The following SPON1 variants were observed in gnomAD, a reference collection of about 807,000 sequenced individuals.
SPON1 encodes the protein spondin 1, also known as spondin-1.
SPON1 carries 52 observed loss-of-function variants against 111.7 expected under a neutral mutation model. That is an observed-to-expected ratio of 0.47 (90% CI 0.37 to 0.59). The LOEUF is 0.59. Among genes scored for constraint, SPON1 ranks in the 20% least tolerant of loss-of-function variants. SPON1 has a pLI of 0.00. For synonymous variants in SPON1, 410 were observed against 395.8 expected (o/e 1.04, Z -0.43); for missense variants, 957 against 1,068.5 (o/e 0.90, Z 1.46).
rs148163262 is a variant in SPON1 at position 14,051,467 on chromosome 11, T to C, written c.479+9813T>C. Among the ~76,000 whole-genome samples, 47 of 151,816 alleles carry C rather than the reference T, an allele frequency of 3.1e-4. 2 individuals are homozygous for C. The East Asian group carries it at 8.9e-3, about 29-fold the overall frequency. On this transcript the variant is annotated intron_variant, in intron 3 of 15. Transcript: ENST00000576479. The stretch of plus-strand genomic sequence containing the variant: ...GGGAGGATTGCTGGAGCCCAGGAGA[T>C]TGAGGCTTCAATGAGCTGAGATGGC...
chr11:14,055,520 TAGAA>T (rs1554919088), intron 3 of SPON1, among the ~76,000 whole-genome samples: 3 of 152,218 alleles, frequency 2.0e-5, no homozygotes, highest in Non-Finnish European at 4.4e-5. Context: ...TCCTTAACGA[TAGAA>T]AGACCAGGCT....
chr11:14,084,474 G>T (rs1254548676), intron 5 of SPON1, among the ~76,000 whole-genome samples: 2 of 152,162 alleles, frequency 1.3e-5, no homozygotes, highest in East Asian at 1.9e-4. Context: ...CAAAGGACAT[G>T]AACTCATTCT....
At chr11:13,986,721 A>AC (rs1436116961) in intron 2 of SPON1, among the ~76,000 whole-genome samples, 9 of 150,342 alleles carry the variant, frequency 6.0e-5, no homozygotes, top group Non-Finnish European at 1.3e-4. Flanking sequence ...CTAGCCCCCG[A>AC]CCCCCCGACA....
intron 3 of SPON1, among the ~76,000 whole-genome samples, chr11:14,074,239 C>A (rs1008696855): frequency 6.6e-6 from 1 of 152,190 alleles, no homozygotes; most frequent in Non-Finnish European, 1.5e-5. Flanking sequence ...TAAAAGACAT[C>A]TGTAGGATGG....
chr11:14,115,687 T>C (rs1398384385), intron 5 of SPON1, among the ~76,000 whole-genome samples: 1 of 152,190 alleles, frequency 6.6e-6, no homozygotes, highest in Admixed American at 6.5e-5. Flanking sequence ...AACATTTGGG[T>C]AGTTTCCAGT....
intron 5 of SPON1, among the ~76,000 whole-genome samples, chr11:14,091,472 C>T (rs1038860116): frequency 1.8e-4 from 27 of 152,306 alleles, no homozygotes; most frequent in African/African-American, 3.6e-4. Context: ...AGCCCTGCCC[C>T]GCGGGAAGGC....
chr11:14,135,175 A>G lies in SPON1; in HGVS notation c.677-245A>G, dbSNP rs1249391915. On this transcript the variant is annotated intron_variant, in intron 5 of 15. Transcript: ENST00000576479. The surrounding 1 kb of genome is among the most constrained non-coding windows in gnomAD (Gnocchi z 4.4). ...CTTCTCTGAGACCTTCCTAGACAGA[A>G]CGCATCTCTGGGCTGCCTCTGCGTC... 2 of 403,470 alleles carry G rather than the reference A, an allele frequency of 5.0e-6. No homozygotes were observed. Among genetic ancestry groups the G allele is most frequent in the Admixed American group, 3.7e-5 (1 of 27,088 alleles). The allele number at this position is 403,470 out of a possible 1,614,324, so 25.0% of individuals were successfully genotyped here.
chr11:14,042,276 G>A (rs781846277), intron 3 of SPON1, among the ~76,000 whole-genome samples: 39 of 152,078 alleles, frequency 2.6e-4, no homozygotes, highest in Non-Finnish European at 4.4e-5. Flanking sequence ...TTGGGAAATG[G>A]AAATAGATGG....
intron 7 of SPON1, among the ~76,000 whole-genome samples, chr11:14,248,930 G>A (rs1415289128): frequency 6.6e-6 from 1 of 152,152 alleles, no homozygotes. Flanking sequence ...GTAGAGACAG[G>A]AAAGGCAGAC....
intron 6 of SPON1, among the ~76,000 whole-genome samples, chr11:14,146,150 C>CTTTTTT (rs10674430): frequency 7.6e-6 from 1 of 130,950 alleles, no homozygotes; most frequent in Non-Finnish European, 1.6e-5. Flanking sequence ...AATTACTATA[C>CTTTTTT]TTTTTTTTTT....
At chr11:14,194,380 G>A (rs1430279813) in intron 6 of SPON1, among the ~76,000 whole-genome samples, 1 of 152,134 alleles carries the variant, frequency 6.6e-6, no homozygotes, top group African/African-American at 2.4e-5. Context: ...AACTTCATTA[G>A]CAACTCCAAC....
intron 3 of SPON1, among the ~76,000 whole-genome samples, chr11:14,058,783 A>G (rs1440471840): frequency 6.6e-6 from 1 of 152,204 alleles, no homozygotes; most frequent in African/African-American, 2.4e-5. Flanking sequence ...CCACAATCCT[A>G]TAATGCAGAT....
At chr11:14,055,263 C>T (rs968260010) in intron 3 of SPON1, among the ~76,000 whole-genome samples, 135 of 152,106 alleles carry the variant, frequency 8.9e-4, no homozygotes, top group African/African-American at 3.2e-3. Flanking sequence ...GTCAACATCT[C>T]GATATGTGCT....
At chr11:14,088,551 G>A (rs1849024929) in intron 5 of SPON1, among the ~76,000 whole-genome samples, 1 of 151,862 alleles carries the variant, frequency 6.6e-6, no homozygotes, top group South Asian at 2.1e-4. Flanking sequence ...TTTCTCTCTG[G>A]CTGCCCTTAA....
At chr11:14,222,410 TCCAGTGA>T (rs1554937678) in intron 6 of SPON1, among the ~76,000 whole-genome samples, 2 of 152,228 alleles carry the variant, frequency 1.3e-5, no homozygotes, top group African/African-American at 4.8e-5. Flanking sequence ...CATATACTGT[TCCAGTGA>T]CCAGTGACCT....
At chr11:14,233,762 T>TC (rs1354369012) in intron 6 of SPON1, among the ~76,000 whole-genome samples, 8 of 141,206 alleles carry the variant, frequency 5.7e-5, no homozygotes, top group Non-Finnish European at 7.7e-5. Context: ...CTTTTTCTTT[T>TC]TTTTTTTTTT....
intron 6 of SPON1, among the ~76,000 whole-genome samples, chr11:14,195,704 A>G (rs1198820800): frequency 1.3e-5 from 2 of 152,184 alleles, no homozygotes; most frequent in South Asian, 2.1e-4. Flanking sequence ...CAATTTGAGG[A>G]TGGACAGTCC....
At chr11:14,018,364 G>A (rs1273628363) in intron 2 of SPON1, among the ~76,000 whole-genome samples, 2 of 152,154 alleles carry the variant, frequency 1.3e-5, no homozygotes, top group Non-Finnish European at 2.9e-5. Context: ...GAATGAAGAG[G>A]CAAGGATAGA....
intron 5 of SPON1, among the ~76,000 whole-genome samples, chr11:14,120,931 G>A: frequency 6.6e-6 from 1 of 152,142 alleles, no homozygotes; most frequent in East Asian, 1.9e-4. Context: ...GCAAGTATAT[G>A]GTGAAAACAA....
Sources: allele counts gnomAD v4.1 joint callset (sites outside exome capture counted in the v4.1 genomes callset), GRCh38; gene constraint gnomAD v4.1.1; non-coding constraint Gnocchi (gnomAD v3.1); transcripts MANE v1.5; gene names NCBI Gene and HGNC (gene_info 2026-07-23, HGNC 2026-07-21).